DMD: variants seen among roughly 807,000 people sequenced by gnomAD.
The protein encoded by DMD is dystrophin.
In DMD, 63 loss-of-function variants were observed where a neutral mutation model predicts 330.1. The observed-to-expected ratio is 0.19, with a 90% CI of 0.16 to 0.24. DMD has a LOEUF of 0.24. Among genes scored for constraint, DMD ranks in the 10% least tolerant of loss-of-function variants. DMD has a pLI of 1.00. For missense variants in DMD, 3,344 were observed against 2,684.1 expected (o/e 1.25, Z -5.43); for synonymous variants, 1,223 against 959.8 (o/e 1.27, Z -5.07).
chrX:31,936,077 G>A (rs1250149783), intron 45 of DMD, among the ~76,000 whole-genome samples: 3 of 110,398 alleles, frequency 2.7e-5, no homozygotes, highest in Non-Finnish European at 3.8e-5. Context: ...CATTAATTAC[G>A]CTTTAAAAAC....
intron 66 of DMD, 145 bp downstream of exon 66, chrX:31,206,437 C>A: frequency 1.8e-6 from 1 of 543,581 alleles, no homozygotes; most frequent in Non-Finnish European, 3.1e-6. Flanking sequence ...TGGCACAAAC[C>A]AAATTTTATG....
intron 11 of DMD, among the ~76,000 whole-genome samples, chrX:32,636,275 G>T (rs966812947): frequency 9.0e-6 from 1 of 111,663 alleles, no homozygotes; most frequent in Admixed American, 9.5e-5. Flanking sequence ...CCCACTAATT[G>T]CCATAGTTAT....
chrX:32,628,873 A>G (rs1483475991), intron 11 of DMD, among the ~76,000 whole-genome samples: 5 of 112,116 alleles, frequency 4.5e-5, no homozygotes, highest in Non-Finnish European at 7.5e-5. Flanking sequence ...TTGTGATCAG[A>G]AAAGCTAATT....
At chrX:32,730,935 G>C (rs190366679) in intron 7 of DMD, among the ~76,000 whole-genome samples, 1 of 111,663 alleles carries the variant, frequency 9.0e-6, no homozygotes, top group African/African-American at 3.3e-5. Context: ...GAACAGCTCC[G>C]GTCTACAGCT....
At chrX:33,319,119 G>A (rs1417871951) in intron 1 of DMD, among the ~76,000 whole-genome samples, 4 of 110,179 alleles carry the variant, frequency 3.6e-5, no homozygotes, top group South Asian at 7.9e-4. Flanking sequence ...GCTAGGAAAC[G>A]GTCTGTCATC....
chrX:33,071,072 G>C (rs1391601430), intron 1 of DMD, among the ~76,000 whole-genome samples: 1 of 110,713 alleles, frequency 9.0e-6, no homozygotes, highest in Admixed American at 9.7e-5. Flanking sequence ...AGAATACCTG[G>C]GTTTGAGTGT....
At chrX:32,795,045 T>C (rs1182234439) in intron 7 of DMD, among the ~76,000 whole-genome samples, 1 of 112,030 alleles carries the variant, frequency 8.9e-6, no homozygotes, top group East Asian at 2.8e-4. Context: ...TGTTTATCGG[T>C]CAGAAGAATT....
chrX:31,227,923 A>G (rs1314501817), intron 63 of DMD, among the ~76,000 whole-genome samples: 1 of 109,998 alleles, frequency 9.1e-6, no homozygotes, highest in Non-Finnish European at 1.9e-5. Context: ...AATACTATGC[A>G]GCCATAAAAA....
intron 44 of DMD, among the ~76,000 whole-genome samples, chrX:32,141,947 G>C (rs942266262): frequency 1.8e-5 from 2 of 111,462 alleles, no homozygotes; most frequent in East Asian, 5.6e-4. Flanking sequence ...AATAGACATT[G>C]AGGGCTCACT....
At chrX:33,097,453 T>A (rs1192770001) in intron 1 of DMD, among the ~76,000 whole-genome samples, 3 of 110,458 alleles carry the variant, frequency 2.7e-5, no homozygotes, top group African/African-American at 9.9e-5. Context: ...TGGAAATTTG[T>A]TGATACAGAT....
intron 55 of DMD, among the ~76,000 whole-genome samples, chrX:31,510,664 C>G (rs757881167): frequency 4.6e-5 from 5 of 109,108 alleles, no homozygotes; most frequent in African/African-American, 1.7e-4. Context: ...CCCGCCACCA[C>G]GCCTGGCTAA....
rs766622038 is a variant in DMD, at chrX:31,646,562, G to T, written c.8027+11428C>A. On this transcript the variant is annotated intron_variant, in intron 54 of 78. Transcript: ENST00000357033. The stretch of plus-strand genomic sequence containing the variant: ...GGACCATACTTTGGGTAACACTGCG[G>T]TCTTGGGTACACTGTTGCTCTGCCA... 2.7e-4 allele frequency among the ~76,000 whole-genome samples: 30 copies of T among 111,359 alleles called. 1 individual carries two copies. In the South Asian group the frequency reaches 0.011, roughly 39 times the overall value.
At chrX:31,427,939 C>T (rs2063803760) in intron 60 of DMD, among the ~76,000 whole-genome samples, 1 of 111,643 alleles carries the variant, frequency 9.0e-6, no homozygotes, top group Admixed American at 9.5e-5. Flanking sequence ...GTAGAAAAGC[C>T]TCGGTCAACA....
chrX:31,887,074 C>T (rs959820168), intron 47 of DMD, among the ~76,000 whole-genome samples: 1 of 111,622 alleles, frequency 9.0e-6, no homozygotes, highest in Non-Finnish European at 1.9e-5. Context: ...AGGATTTGAA[C>T]CCAAGAAGTT....
intron 29 of DMD, among the ~76,000 whole-genome samples, chrX:32,420,429 G>A (rs1271075941): frequency 1.8e-5 from 2 of 111,768 alleles, no homozygotes; most frequent in African/African-American, 6.5e-5. Context: ...AATGTAGCTG[G>A]TGCTTCTAAG....
chrX:31,892,311 C>A (rs747688155), intron 47 of DMD, among the ~76,000 whole-genome samples: 1 of 110,689 alleles, frequency 9.0e-6, no homozygotes. Flanking sequence ...ACTATTATAC[C>A]CTGTAAATTA....
intron 57 of DMD, among the ~76,000 whole-genome samples, chrX:31,491,639 C>A (rs889585216): frequency 9.0e-6 from 1 of 111,333 alleles, no homozygotes; most frequent in African/African-American, 3.3e-5. Context: ...TTATGCTGCC[C>A]AGCTGGTTTG....
intron 1 of DMD, among the ~76,000 whole-genome samples, chrX:33,053,876 G>T (rs976962936): frequency 9.0e-6 from 1 of 111,203 alleles, no homozygotes; most frequent in Non-Finnish European, 1.9e-5. Context: ...GGGTGGGAAG[G>T]GGTGAATGTA....
At chrX:31,732,622 C>T (rs769240607) in intron 51 of DMD, among the ~76,000 whole-genome samples, 86 of 110,978 alleles carry the variant, frequency 7.7e-4, no homozygotes, top group Non-Finnish European at 1.3e-3. Context: ...TCTATTCCTT[C>T]GAGCCACCCA....
Sources: gnomAD v4.1 joint callset for allele counts (sites outside exome capture counted in the v4.1 genomes callset) on GRCh38, gnomAD v4.1.1 for gene constraint, MANE v1.5 for transcripts, NCBI Gene and HGNC (gene_info 2026-07-23, HGNC 2026-07-21) for gene names.